TENM2: variants seen among roughly 807,000 people sequenced by gnomAD.
TENM2 encodes the protein teneurin-2.
In TENM2, 52 loss-of-function variants were observed where a neutral mutation model predicts 245.2. That is an observed-to-expected ratio of 0.21 (90% CI 0.17 to 0.27). TENM2 has a LOEUF of 0.27. Ranked by LOEUF, TENM2 falls within the 10% of genes least tolerant of loss-of-function variation. The pLI is 1.00. For missense variants in TENM2, 3,046 were observed against 3,666.8 expected (o/e 0.83, Z 4.37); for synonymous variants, 1,363 against 1,438.9 (o/e 0.95, Z 1.19).
In TENM2 at chr5:167,921,210, T is replaced by C. The variant is rs563652956; in HGVS notation, c.713-31378T>C. ...CTCCAGTAAGCAGAGAGAGAAGTTG[T>C]GTGATAAATTATGGAACAGACATTG... On this transcript the variant is annotated intron_variant, in intron 3 of 28. Transcript: ENST00000518659. 6.6e-5 allele frequency among the ~76,000 whole-genome samples: 10 copies of C among 152,348 alleles called. No homozygotes were observed. The South Asian group carries it at 1.2e-3, about 19-fold the overall frequency.
At chr5:167,872,581 A>G (rs1159310437) in intron 2 of TENM2, among the ~76,000 whole-genome samples, 2 of 150,912 alleles carry the variant, frequency 1.3e-5, no homozygotes, top group African/African-American at 4.9e-5. Context: ...AAAGAAAGAA[A>G]GAGTATACCA....
chr5:168,029,474 A>G (rs1786915924), intron 5 of TENM2, among the ~76,000 whole-genome samples: 1 of 152,118 alleles, frequency 6.6e-6, no homozygotes, highest in Non-Finnish European at 1.5e-5. Flanking sequence ...AGAGGAATTC[A>G]CCCTAGGAAT....
At chr5:168,134,011 C>T (rs977836437) in intron 12 of TENM2, among the ~76,000 whole-genome samples, 13 of 151,940 alleles carry the variant, frequency 8.6e-5, no homozygotes, top group Admixed American at 8.5e-4. Context: ...AAAAATTAGC[C>T]AGGTATGGTG....
chr5:167,108,997 T>C, the TENM2 span, among the ~76,000 whole-genome samples: 2 of 152,218 alleles, frequency 1.3e-5, no homozygotes, highest in African/African-American at 4.8e-5. Context: ...TAGTAGCTAA[T>C]TTGATTTTGT....
the TENM2 span, among the ~76,000 whole-genome samples, chr5:167,051,433 G>GAA: frequency 0.47 from 70,655 of 149,322 alleles, 17,238 homozygotes; most frequent in African/African-American, 0.57. Flanking sequence ...TGAATTGGGA[G>GAA]AAAAAAAAAA....
Position 167,702,999 on chromosome 5 carries a change from C to A in TENM2, c.503-172987C>A, listed in dbSNP as rs545577769. On this transcript the variant is annotated intron_variant, in intron 2 of 28. Transcript: ENST00000518659. ...TTCTTCAAAAGTCCTTGCTTACACA[C>A]ACAACCTCTCTCCCTCTGTCTCCCT... is the stretch of plus-strand genomic sequence containing the variant. Among the ~76,000 whole-genome samples the A allele has an allele frequency of 2.0e-5, 3 of 152,324 alleles. No homozygotes were observed. The South Asian group carries it at 6.2e-4, about 32-fold the overall frequency.
Position 168,207,825 on chromosome 5 carries a change from C to G in TENM2, c.3824+3204C>G, listed in dbSNP as rs370065235. ...GGTTCTCTCACTATCCTTCCCCCTT[C>G]CTCCTTCCTTTGTCTCTCCAAAACA... On this transcript the variant is annotated intron_variant, in intron 19 of 28. Coordinates refer to ENST00000518659, the Ensembl canonical transcript of TENM2. Among the ~76,000 whole-genome samples, 241 of 152,310 alleles carry G rather than the reference C, an allele frequency of 1.6e-3. 1 individual carries two copies. Among genetic ancestry groups the G allele is most frequent in the African/African-American group, 5.4e-3 (224 of 41,564 alleles).
At chr5:167,087,696 A>G in the TENM2 span, among the ~76,000 whole-genome samples, 1 of 152,188 alleles carries the variant, frequency 6.6e-6, no homozygotes, top group African/African-American at 2.4e-5. Flanking sequence ...GTAGGAGTTC[A>G]TGAGGATATC....
the TENM2 span, among the ~76,000 whole-genome samples, chr5:167,059,470 T>C: frequency 4.6e-5 from 7 of 152,178 alleles, no homozygotes; most frequent in Non-Finnish European, 8.8e-5. Flanking sequence ...TACTACCTTG[T>C]AGTTGAGGTG....
At chr5:167,710,472 G>A (rs1758837966) in intron 2 of TENM2, among the ~76,000 whole-genome samples, 1 of 152,178 alleles carries the variant, frequency 6.6e-6, no homozygotes, top group Non-Finnish European at 1.5e-5. Flanking sequence ...AGGAACAAGT[G>A]CCTGAGCTGA....
At chr5:167,318,459 T>TC (rs1756509142) in intron 1 of TENM2, among the ~76,000 whole-genome samples, 1 of 152,036 alleles carries the variant, frequency 6.6e-6, no homozygotes, top group Non-Finnish European at 1.5e-5. Context: ...TTACATGTTT[T>TC]CCCCCACGGT....
At chr5:168,005,079 G>GAT (rs1390505812) in intron 5 of TENM2, among the ~76,000 whole-genome samples, 2 of 152,168 alleles carry the variant, frequency 1.3e-5, no homozygotes, top group African/African-American at 2.4e-5. Flanking sequence ...TGTGAGTGCT[G>GAT]ATTGCATGGT....
chr5:168,178,718 A>G (rs1562250420), intron 13 of TENM2, among the ~76,000 whole-genome samples: 1 of 152,220 alleles, frequency 6.6e-6, no homozygotes. Context: ...ATTTCCCTTC[A>G]TAAGTCCTGT....
chr5:167,344,441 A>G (rs1758341009), intron 1 of TENM2, among the ~76,000 whole-genome samples: 1 of 151,844 alleles, frequency 6.6e-6, no homozygotes, highest in Non-Finnish European at 1.5e-5. Flanking sequence ...ACTAGAACCA[A>G]GAAATGTTGA....
intron 2 of TENM2, among the ~76,000 whole-genome samples, chr5:167,566,568 A>G (rs999961808): frequency 6.6e-6 from 1 of 152,206 alleles, no homozygotes; most frequent in African/African-American, 2.4e-5. Flanking sequence ...AGTGCAGCAC[A>G]CTGGTTCCTG....
intron 2 of TENM2, among the ~76,000 whole-genome samples, chr5:167,685,001 T>C (rs1756978627): frequency 6.6e-6 from 1 of 152,208 alleles, no homozygotes; most frequent in Admixed American, 6.5e-5. Flanking sequence ...TGGTACTCAG[T>C]GCTGCCTTGG....
At chr5:168,073,507 G>C (rs760740409) in intron 7 of TENM2, among the ~76,000 whole-genome samples, 6 of 152,184 alleles carry the variant, frequency 3.9e-5, no homozygotes, top group Non-Finnish European at 8.8e-5. Flanking sequence ...CGCTAATGGG[G>C]ACATACCTTT....
intron 2 of TENM2, among the ~76,000 whole-genome samples, chr5:167,804,656 T>C (rs1766019856): frequency 6.6e-6 from 1 of 152,134 alleles, no homozygotes; most frequent in Non-Finnish European, 1.5e-5. Context: ...CCACAGTAGA[T>C]GTCAAGGCCA....
intron 2 of TENM2, among the ~76,000 whole-genome samples, chr5:167,652,781 G>A (rs998630366): frequency 2.0e-5 from 3 of 151,988 alleles, no homozygotes; most frequent in Admixed American, 6.6e-5. Flanking sequence ...CAGGTCTTTC[G>A]GACCTGAAAT....
Sources: gnomAD v4.1 joint callset for allele counts (sites outside exome capture counted in the v4.1 genomes callset) on GRCh38, gnomAD v4.1.1 for gene constraint, MANE v1.5 for transcripts, NCBI Gene and HGNC (gene_info 2026-07-23, HGNC 2026-07-21) for gene names.